The following MYT1L variants were observed in gnomAD, a reference collection of about 807,000 sequenced individuals.
MYT1L encodes myelin transcription factor 1 like.
Under a neutral mutation model 126.7 loss-of-function variants are expected in MYT1L, and 12 were observed. That is an observed-to-expected ratio of 0.09 (90% confidence interval 0.06 to 0.15). The LOEUF is 0.15. Ranked by LOEUF, MYT1L falls within the 10% of genes least tolerant of loss-of-function variation. MYT1L has a pLI of 1.00. For synonymous variants in MYT1L, 541 were observed against 604.2 expected (o/e 0.90, Z 1.53); for missense variants, 979 against 1,585.2 (o/e 0.62, Z 6.49).
chr2:2,084,361 G>T (rs906485400), intron 3 of MYT1L, among the ~76,000 whole-genome samples: 1 of 152,220 alleles, frequency 6.6e-6, no homozygotes, highest in Admixed American at 6.5e-5. Context: ...CGGTGTAACC[G>T]GATGACTGCC....
At chr2:2,186,842 A>G (rs2092246854) in intron 2 of MYT1L, among the ~76,000 whole-genome samples, 1 of 152,260 alleles carries the variant, frequency 6.6e-6, no homozygotes, top group Non-Finnish European at 1.5e-5. Flanking sequence ...TAGCAAGGTT[A>G]AGATCAATTT....
intron 1 of MYT1L, among the ~76,000 whole-genome samples, chr2:2,285,250 C>A (rs1317269651): frequency 6.6e-6 from 1 of 152,102 alleles, no homozygotes; most frequent in Admixed American, 6.6e-5. Context: ...TGCATTATGG[C>A]AATGTATGCA....
At position 1,942,959 on chromosome 2, in the gene MYT1L, T is replaced by A. The variant is rs1395494184; in HGVS notation, c.505+23A>T. 2.0e-6 allele frequency: 3 copies of A among 1,505,570 alleles called. No homozygotes were observed. In the South Asian group the frequency reaches 4.0e-5, roughly 20 times the overall value. 93.3% of individuals were successfully genotyped at this position (1,505,570 alleles called of 1,614,324 possible). ...GTGGACCCAAATCACGACTTGTTACTTTGCTAATATTTTAAAGATTACCGT... is the reference window on the plus strand; with the variant it reads ...GTGGACCCAAATCACGACTTGTTACATTGCTAATATTTTAAAGATTACCGT... On this transcript the variant is annotated intron_variant, in intron 9 of 24. Coordinates refer to ENST00000647738, the MANE Select transcript of MYT1L (RefSeq NM_001303052.2).
chr2:2,124,836 C>CTG (rs1365851357), intron 3 of MYT1L, among the ~76,000 whole-genome samples: 1 of 152,178 alleles, frequency 6.6e-6, no homozygotes, highest in Non-Finnish European at 1.5e-5. Context: ...ACATGTCCAC[C>CTG]TGTGGCACAG....
chr2:1,844,259 C>G (rs984188432), intron 19 of MYT1L, among the ~76,000 whole-genome samples: 8 of 152,164 alleles, frequency 5.3e-5, no homozygotes, highest in African/African-American at 1.9e-4. Flanking sequence ...CCCGCAGCAC[C>G]CTGTTCTCAC....
chr2:2,014,714 C>T (rs1326609815), intron 4 of MYT1L, among the ~76,000 whole-genome samples: 2 of 152,156 alleles, frequency 1.3e-5, no homozygotes, highest in Non-Finnish European at 2.9e-5. Context: ...GTATTTAGGC[C>T]AAGAATGGCC....
Position 1,923,095 on chromosome 2 carries a change from A to T in MYT1L, c.674T>A (p.Met225Lys). 1 of 1,613,952 alleles carries T rather than the reference A, an allele frequency of 6.2e-7. No homozygotes were observed. The highest frequency in any genetic ancestry group is 1.1e-5 in the South Asian group (1 of 91,082). Residue 225 changes from methionine to lysine, a missense_variant, in exon 10 of 25, where the codon ATG becomes AAG. Met to Lys is a moderately conservative substitution (Grantham distance 95). Coordinates refer to ENST00000647738, the MANE Select transcript of MYT1L (RefSeq NM_001303052.2). ...AAYRARTESE[M>K]NSNTSNSLED... ...CAGACTATTGGAGGTATTGCTGTTCATTTCTGACTCAGTCCTGGCCCGGTA... is the reference window on the plus strand; with the variant it reads ...CAGACTATTGGAGGTATTGCTGTTCTTTTCTGACTCAGTCCTGGCCCGGTA...
At chr2:2,022,230 A>G (rs2065109787) in intron 4 of MYT1L, among the ~76,000 whole-genome samples, 1 of 152,048 alleles carries the variant, frequency 6.6e-6, no homozygotes, top group African/African-American at 2.4e-5. Flanking sequence ...ATTGGGAGGG[A>G]TTTCTGCCAG....
intron 2 of MYT1L, among the ~76,000 whole-genome samples, chr2:2,244,642 C>T (rs144739847): frequency 1.3e-5 from 2 of 152,238 alleles, no homozygotes; most frequent in African/African-American, 2.4e-5. Context: ...CCTGCTCAAA[C>T]TGCAGGCTCC....
chr2:1,944,248 C>T (rs2056981674), intron 8 of MYT1L, among the ~76,000 whole-genome samples: 1 of 152,074 alleles, frequency 6.6e-6, no homozygotes, highest in Admixed American at 6.5e-5. Flanking sequence ...GACCCCACGA[C>T]AGGCCCCAGT....
At chr2:2,030,624 A>G (rs565621212) in intron 4 of MYT1L, among the ~76,000 whole-genome samples, 37 of 152,328 alleles carry the variant, frequency 2.4e-4, no homozygotes, top group African/African-American at 8.4e-4. Flanking sequence ...TTTTGGTTTT[A>G]CTAGAAATGT....
intron 3 of MYT1L, among the ~76,000 whole-genome samples, chr2:2,085,461 T>G (rs764556735): frequency 6.6e-5 from 10 of 152,108 alleles, no homozygotes; most frequent in Non-Finnish European, 1.3e-4. Context: ...CCTTCTACAT[T>G]AAGTCTATGC....
chr2:1,977,977 T>C (rs950285434), intron 8 of MYT1L, among the ~76,000 whole-genome samples: 4 of 152,258 alleles, frequency 2.6e-5, no homozygotes, highest in African/African-American at 7.2e-5. Context: ...AATTTAATAA[T>C]TGAAATTGCA....
At chr2:1,797,409 A>C (rs981744308) in intron 23 of MYT1L, among the ~76,000 whole-genome samples, 1 of 152,028 alleles carries the variant, frequency 6.6e-6, no homozygotes, top group Non-Finnish European at 1.5e-5. Flanking sequence ...TTTAGTAGAG[A>C]CGGGGTTTCA....
intron 2 of MYT1L, among the ~76,000 whole-genome samples, chr2:2,235,425 C>T (rs953433571): frequency 5.9e-5 from 9 of 151,614 alleles, no homozygotes; most frequent in African/African-American, 1.9e-4. Flanking sequence ...CTCACAGCTT[C>T]CCCTTAGAGG....
At chr2:2,170,616 T>C (rs975223323) in intron 3 of MYT1L, among the ~76,000 whole-genome samples, 2 of 152,390 alleles carry the variant, frequency 1.3e-5, no homozygotes, top group East Asian at 3.9e-4. Context: ...TAGCAATGTA[T>C]TCCCATTCTA....
chr2:1,982,696 G>GAC (rs1405216843), intron 5 of MYT1L, among the ~76,000 whole-genome samples: 1 of 152,136 alleles, frequency 6.6e-6, no homozygotes, highest in Non-Finnish European at 1.5e-5. Context: ...GGGTGGGAGA[G>GAC]ACACACTCCG....
At chr2:2,186,825 GTGTC>G (rs2092245723) in intron 2 of MYT1L, among the ~76,000 whole-genome samples, 1 of 152,146 alleles carries the variant, frequency 6.6e-6, no homozygotes, top group Non-Finnish European at 1.5e-5. Context: ...ATTAACATGA[GTGTC>G]TGTAGCAAGG....
In MYT1L at chr2:2,053,972, C is replaced by T. The variant is rs569774483; in HGVS notation, c.-158+6G>A. On this transcript the variant is annotated splice_donor_region_variant and intron_variant, in intron 4 of 24. Coordinates refer to ENST00000647738, the MANE Select transcript of MYT1L (RefSeq NM_001303052.2). ...TAAAATATTAATACCACATAGAGTT[C>T]CTCACCTTTAGGTGGCTCCTCGGAT... 12 of 152,650 alleles carry T rather than the reference C, an allele frequency of 7.9e-5. No homozygotes were observed. Among genetic ancestry groups the T allele is most frequent in the Non-Finnish European group, 1.8e-4 (12 of 68,040 alleles). The allele number at this position is 152,650 out of a possible 1,614,324, so 9.5% of individuals were successfully genotyped here.
Sources: allele counts gnomAD v4.1 joint callset (sites outside exome capture counted in the v4.1 genomes callset), GRCh38; gene constraint gnomAD v4.1.1; transcripts MANE v1.5; gene names NCBI Gene and HGNC (gene_info 2026-07-23, HGNC 2026-07-21).